The following RELN variants were observed in gnomAD, a reference collection of about 807,000 sequenced individuals.
The protein encoded by RELN is reelin.
In RELN, 108 loss-of-function variants were observed where a neutral mutation model predicts 427.6. The ratio of observed to expected loss-of-function variants is 0.25; its 90% CI spans 0.22 to 0.30. RELN has a LOEUF of 0.30. Among genes scored for constraint, RELN ranks in the 10% least tolerant of loss-of-function variants. The pLI is 1.00. For synonymous variants in RELN, 1,524 were observed against 1,513.4 expected (o/e 1.01, Z -0.16); for missense variants, 3,715 against 4,302.8 (o/e 0.86, Z 3.82).
chr7:103,690,942 A>G (rs920556981), intron 10 of RELN, among the ~76,000 whole-genome samples: 1 of 152,168 alleles, frequency 6.6e-6, no homozygotes, highest in Non-Finnish European at 1.5e-5. Flanking sequence ...AAGGCCACGG[A>G]CTTGGAAAAA....
At chr7:103,615,452 T>C (rs1311746325) in intron 20 of RELN, among the ~76,000 whole-genome samples, 1 of 152,178 alleles carries the variant, frequency 6.6e-6, no homozygotes, top group Admixed American at 6.5e-5. Context: ...GGAGGGATCA[T>C]ACCTTATTCA....
At chr7:103,584,072 A>G (rs1584317651) in intron 28 of RELN, among the ~76,000 whole-genome samples, 2 of 152,176 alleles carry the variant, frequency 1.3e-5, no homozygotes, top group Non-Finnish European at 1.5e-5. Flanking sequence ...GACATTCCCA[A>G]TGCCCACTTG....
At chr7:103,706,768 G>GA (rs1341159333) in intron 8 of RELN, among the ~76,000 whole-genome samples, 11 of 151,936 alleles carry the variant, frequency 7.2e-5, no homozygotes, top group Non-Finnish European at 1.6e-4. Context: ...GATAAAGAGA[G>GA]AAAAACCAAA....
chr7:103,481,098 C>T (rs1470171686), intron 63 of RELN, among the ~76,000 whole-genome samples: 2 of 152,174 alleles, frequency 1.3e-5, no homozygotes, highest in African/African-American at 4.8e-5. Flanking sequence ...GGAATAGAGT[C>T]CTGTTTCCAA....
intron 3 of RELN, among the ~76,000 whole-genome samples, chr7:103,807,423 T>C (rs959761695): frequency 6.6e-6 from 1 of 152,202 alleles, no homozygotes; most frequent in Non-Finnish European, 1.5e-5. Context: ...CACTATTTGC[T>C]GAAAGTCCAT....
At chr7:103,934,886 G>A (rs1228665478) in intron 1 of RELN, among the ~76,000 whole-genome samples, 1 of 152,200 alleles carries the variant, frequency 6.6e-6, no homozygotes, top group East Asian at 1.9e-4. Context: ...TTTGAAGACA[G>A]AACCACACTA....
chr7:103,624,965 A>T (rs1157254044), intron 20 of RELN, among the ~76,000 whole-genome samples: 1 of 152,180 alleles, frequency 6.6e-6, no homozygotes, highest in Non-Finnish European at 1.5e-5. Context: ...CCCTTCGAAC[A>T]TTTCTACAGG....
intron 61 of RELN, chr7:103,484,669 G>A (rs1228109058): frequency 2.0e-5 from 3 of 152,190 alleles, no homozygotes; most frequent in Non-Finnish European, 2.9e-5. Context: ...TTTCAAAGAT[G>A]TATCCTCTTT....
intron 2 of RELN, among the ~76,000 whole-genome samples, chr7:103,870,234 C>G (rs1355237932): frequency 6.6e-6 from 1 of 152,014 alleles, no homozygotes; most frequent in Non-Finnish European, 1.5e-5. Flanking sequence ...GCATCTGGGC[C>G]ATCTCAGGAC....
At chr7:103,888,992 G>A (rs1288485203) in intron 2 of RELN, among the ~76,000 whole-genome samples, 1 of 152,156 alleles carries the variant, frequency 6.6e-6, no homozygotes, top group East Asian at 1.9e-4. Context: ...CCCAACTCAT[G>A]ACCTCAACAT....
chr7:103,582,573 C>T (rs570407060), intron 28 of RELN, among the ~76,000 whole-genome samples: 68 of 152,200 alleles, frequency 4.5e-4, no homozygotes, highest in Non-Finnish European at 8.1e-4. Flanking sequence ...GAAACTGGTA[C>T]ATCCTTAACC....
At chr7:103,793,012 C>T (rs1012532730) in intron 3 of RELN, among the ~76,000 whole-genome samples, 9 of 152,030 alleles carry the variant, frequency 5.9e-5, no homozygotes, top group Non-Finnish European at 1.2e-4. Context: ...TACTGTGGTC[C>T]TTCAATGCTT....
chr7:103,490,021 G>T, intron 59 of RELN, 122 bp from the exon 60 acceptor site: 1 of 1,112,412 alleles, frequency 9.0e-7, no homozygotes, highest in Non-Finnish European at 1.3e-6. Context: ...ATGTCTTCCT[G>T]AAGCACCCTG....
rs1830268536 is a variant in RELN at position 103,545,306 on chromosome 7, G to A, written c.6341C>T (p.Ala2114Val). Reference sequence around the variant, plus strand: ...GGCCCATGTCACTGGCTGAGAGCCGGCAGGGTAAAATCCCTGGTACCATCT... The same window carrying A: ...GGCCCATGTCACTGGCTGAGAGCCGACAGGGTAAAATCCCTGGTACCATCT... ...RFRWYQGFYP[A>V]GSQPVTWAID... The change falls in exon 42 of 65, where the codon GCC becomes GTC. Residue 2114 changes from alanine (A) to valine (V), a missense_variant. Coordinates refer to ENST00000428762, the MANE Select transcript of RELN (RefSeq NM_005045.4). The A allele has an allele frequency of 6.2e-7, 1 of 1,614,044 alleles. No individual in the cohort carries two copies. The highest frequency in any genetic ancestry group is 1.7e-5 in the Admixed American group (1 of 60,022).
In RELN at chr7:103,584,499, CAACAAGAAGAGACAACCATCCTA is replaced by C. The variant is rs1360559693; in HGVS notation, c.4145+5074_4145+5096del. 3.3e-5 allele frequency among the ~76,000 whole-genome samples: 5 copies of C among 152,106 alleles called. No individual in the cohort carries two copies. The East Asian group carries it at 9.6e-4, about 29-fold the overall frequency. The stretch of plus-strand genomic sequence containing the variant: ...TTATATAATGGTAAAGAGTTCAATT[CAACAAGAAGAGACAACCATCCTA>C]AACATATATGTACCCAACCATGGAA... On this transcript the variant is annotated intron_variant, in intron 28 of 64. Transcript: ENST00000428762.
intron 2 of RELN, among the ~76,000 whole-genome samples, chr7:103,895,825 A>G (rs1212935842): frequency 1.3e-5 from 2 of 152,122 alleles, no homozygotes; most frequent in Non-Finnish European, 2.9e-5. Flanking sequence ...AGCAATTATC[A>G]TACAAGAAAA....
At chr7:103,710,728 G>GT (rs1235596595) in intron 8 of RELN, among the ~76,000 whole-genome samples, 1 of 152,152 alleles carries the variant, frequency 6.6e-6, no homozygotes, top group African/African-American at 2.4e-5. Context: ...TTACAGAATT[G>GT]TTGTCACAGG....
chr7:103,551,940 T>TGC (rs1554376291), intron 40 of RELN, among the ~76,000 whole-genome samples: 4 of 146,452 alleles, frequency 2.7e-5, no homozygotes, highest in African/African-American at 1.0e-4. Flanking sequence ...TGTGTGTGGG[T>TGC]GTGTGTGTGT....
intron 1 of RELN, among the ~76,000 whole-genome samples, chr7:103,930,752 G>A (rs1795844009): frequency 6.6e-6 from 1 of 152,084 alleles, no homozygotes; most frequent in Non-Finnish European, 1.5e-5. Flanking sequence ...ATAGGCATGA[G>A]CCACCGTGCC....
Sources: gnomAD v4.1 joint callset for allele counts (sites outside exome capture counted in the v4.1 genomes callset) on GRCh38, gnomAD v4.1.1 for gene constraint, MANE v1.5 for transcripts, NCBI Gene and HGNC (gene_info 2026-07-23, HGNC 2026-07-21) for gene names.